TBC1D5: variants seen among roughly 807,000 people sequenced by gnomAD.
The protein encoded by TBC1D5 is TBC1 domain family, member 5.
TBC1D5 carries 75 observed loss-of-function variants against 100.3 expected under a neutral mutation model. The observed-to-expected ratio is 0.75, with a 90% CI of 0.62 to 0.91. TBC1D5 has a LOEUF of 0.91. Ranked by LOEUF, TBC1D5 falls within the 40% of genes least tolerant of loss-of-function variation. The pLI is 0.00. For missense variants in TBC1D5, 910 were observed against 942.4 expected (o/e 0.97, Z 0.45); for synonymous variants, 323 against 325.6 (o/e 0.99, Z 0.09).
intron 19 of TBC1D5, among the ~76,000 whole-genome samples, chr3:17,178,369 G>C (rs1382186447): frequency 6.6e-6 from 1 of 152,034 alleles, no homozygotes; most frequent in Non-Finnish European, 1.5e-5. Flanking sequence ...CTGGCCTAGT[G>C]CTCCATTCTT....
At chr3:17,304,547 A>G (rs1200800852) in intron 14 of TBC1D5, among the ~76,000 whole-genome samples, 2 of 152,168 alleles carry the variant, frequency 1.3e-5, no homozygotes, top group East Asian at 3.8e-4. Flanking sequence ...AGCTAGGACT[A>G]CAGGCACAAG....
chr3:17,657,071 G>C (rs575827067), intron 1 of TBC1D5, among the ~76,000 whole-genome samples: 1 of 152,138 alleles, frequency 6.6e-6, no homozygotes, highest in Non-Finnish European at 1.5e-5. Flanking sequence ...AAGTAAAAAA[G>C]GCCCGAATTT....
At chr3:17,179,975 G>A (rs986474499) in intron 19 of TBC1D5, among the ~76,000 whole-genome samples, 1 of 152,172 alleles carries the variant, frequency 6.6e-6, no homozygotes, top group African/African-American at 2.4e-5. Flanking sequence ...TCAGACTAGC[G>A]TAGGTTGCTC....
intron 17 of TBC1D5, among the ~76,000 whole-genome samples, chr3:17,218,357 C>CA (rs952420354): frequency 9.9e-5 from 15 of 151,746 alleles, no homozygotes; most frequent in African/African-American, 3.1e-4. Context: ...CCATTTTCTC[C>CA]AAAAAAGACA....
intron 1 of TBC1D5, among the ~76,000 whole-genome samples, chr3:17,645,837 A>G (rs535345957): frequency 1.3e-5 from 2 of 151,804 alleles, no homozygotes; most frequent in Admixed American, 1.3e-4. Context: ...CTACTTTTCT[A>G]TTTCTCTAGT....
At chr3:17,461,120 T>C (rs554152900) in intron 3 of TBC1D5, among the ~76,000 whole-genome samples, 1 of 152,324 alleles carries the variant, frequency 6.6e-6, no homozygotes, top group African/African-American at 2.4e-5. Flanking sequence ...CTACTGTAAG[T>C]TGATTCCAGC....
chr3:17,635,849 A>G (rs1577145249), intron 1 of TBC1D5, among the ~76,000 whole-genome samples: 1 of 152,206 alleles, frequency 6.6e-6, no homozygotes, highest in East Asian at 1.9e-4. Flanking sequence ...TTTACTGCCA[A>G]AATGAACAAA....
chr3:17,255,367 AT>A (rs1403721176), intron 16 of TBC1D5, among the ~76,000 whole-genome samples: 9 of 151,892 alleles, frequency 5.9e-5, no homozygotes, highest in African/African-American at 2.2e-4. Flanking sequence ...CTCCCGTCTA[AT>A]TTTTTGTATT....
In TBC1D5 at chr3:17,248,087, G is replaced by A. The variant is rs531971374; in HGVS notation, c.1332-9668C>T. 8.6e-5 allele frequency among the ~76,000 whole-genome samples: 13 copies of A among 151,906 alleles called. No individual in the cohort carries two copies. In the South Asian group the frequency reaches 1.9e-3, roughly 22 times the overall value. ...GCTCACTGCAACCTCTGCCTCCCGG[G>A]TTCAAGCGATTCTCCTGCCTCAGCC... On this transcript the variant is annotated intron_variant, in intron 16 of 21. Transcript: ENST00000253692.
At chr3:17,590,475 A>G (rs2096759797) in intron 2 of TBC1D5, among the ~76,000 whole-genome samples, 2 of 152,218 alleles carry the variant, frequency 1.3e-5, no homozygotes, top group African/African-American at 4.8e-5. Flanking sequence ...AAGGCTTAGG[A>G]AGATTGGGAT....
chr3:17,530,388 G>C (rs961316358), intron 2 of TBC1D5, among the ~76,000 whole-genome samples: 2 of 152,092 alleles, frequency 1.3e-5, no homozygotes, highest in Non-Finnish European at 2.9e-5. Context: ...CAAAAAGAGG[G>C]TAATCAGAGC....
chr3:17,703,716 T>A (rs2073532735), intron 1 of TBC1D5, among the ~76,000 whole-genome samples: 1 of 152,102 alleles, frequency 6.6e-6, no homozygotes, highest in African/African-American at 2.4e-5. Context: ...CATCCCTAAA[T>A]AAATGCCACA....
intron 1 of TBC1D5, among the ~76,000 whole-genome samples, chr3:17,706,446 C>A (rs1042670296): frequency 2.0e-5 from 3 of 151,472 alleles, no homozygotes; most frequent in Admixed American, 1.3e-4. Context: ...CACACGCGCG[C>A]GCACACCCCA....
chr3:17,727,507 T>C (rs1253595781), intron 1 of TBC1D5, among the ~76,000 whole-genome samples: 3 of 152,096 alleles, frequency 2.0e-5, no homozygotes, highest in African/African-American at 4.8e-5. Flanking sequence ...TAAGAAACAA[T>C]AACAAAAGCA....
chr3:17,688,406 C>T (rs1373731033), intron 1 of TBC1D5, among the ~76,000 whole-genome samples: 2 of 152,156 alleles, frequency 1.3e-5, no homozygotes, highest in East Asian at 1.9e-4. Flanking sequence ...AGTTTTTCTA[C>T]AATGAATACA....
Position 17,574,802 on chromosome 3 carries a change from T to C in TBC1D5, c.-36+49047A>G, listed in dbSNP as rs563889791. Among the ~76,000 whole-genome samples, 6 of 152,194 alleles carry C rather than the reference T, an allele frequency of 3.9e-5. No individual in the cohort carries two copies. The South Asian group carries it at 6.2e-4, about 16-fold the overall frequency. On this transcript the variant is annotated intron_variant, in intron 2 of 21. Transcript: ENST00000253692. Reference sequence around the variant, plus strand: ...TTGCCACTTCATTCTTGATTTTTCATAGGAAAAACTCACTTCTGTTCCTAT... The same window carrying C: ...TTGCCACTTCATTCTTGATTTTTCACAGGAAAAACTCACTTCTGTTCCTAT...
chr3:17,419,539 A>G (rs916509698), intron 4 of TBC1D5, among the ~76,000 whole-genome samples: 4 of 152,206 alleles, frequency 2.6e-5, no homozygotes, highest in Admixed American at 1.3e-4. Context: ...TGAAGAGTGG[A>G]AAATGAAGAC....
At chr3:17,338,026 CCA>C (rs1364096777) in intron 13 of TBC1D5, among the ~76,000 whole-genome samples, 1 of 152,076 alleles carries the variant, frequency 6.6e-6, no homozygotes. Context: ...TCACTGCTAT[CCA>C]CAGAGAGGCC....
chr3:17,199,959 G>A (rs894435732), intron 18 of TBC1D5, among the ~76,000 whole-genome samples: 5 of 152,166 alleles, frequency 3.3e-5, no homozygotes, highest in Admixed American at 2.6e-4. Context: ...GTAGAGAAAT[G>A]TGACCATGAA....
Sources: gnomAD v4.1 joint callset for allele counts (sites outside exome capture counted in the v4.1 genomes callset) on GRCh38, gnomAD v4.1.1 for gene constraint, MANE v1.5 for transcripts, NCBI Gene and HGNC (gene_info 2026-07-23, HGNC 2026-07-21) for gene names.